Variants in ARSJ observed in about 807,000 individuals in gnomAD.
ARSJ encodes arylsulfatase J.
In ARSJ, 26 loss-of-function variants were observed where a neutral mutation model predicts 35.9. The ratio of observed to expected loss-of-function variants is 0.72; its 90% CI spans 0.53 to 1.00. The LOEUF (loss-of-function observed/expected upper bound fraction) is 1.00, where lower values mean the gene tolerates loss of function less well. ARSJ is among the 50% of genes least tolerant of loss of function. The pLI is 0.00. For missense variants in ARSJ, 667 were observed against 723.6 expected, an observed-to-expected ratio of 0.92 and a Z score of 0.90; for synonymous variants, 294 against 267.6, an observed-to-expected ratio of 1.10 and a Z score of -0.96.
intron 1 of ARSJ, among the ~76,000 whole-genome samples, chr4:113,925,359 A>T (rs941727725): frequency 6.6e-6 from 1 of 152,084 alleles, no homozygotes; most frequent in African/African-American, 2.4e-5. Flanking sequence ...GGTGATGGCG[A>T]ATGGTACCTA....
At chr4:113,959,485 C>T (rs1726405544) in intron 1 of ARSJ, among the ~76,000 whole-genome samples, 1 of 152,000 alleles carries the variant, frequency 6.6e-6, no homozygotes, top group South Asian at 2.1e-4. Context: ...ATTTCACAGC[C>T]TGAAGAAAGA....
intron 1 of ARSJ, among the ~76,000 whole-genome samples, chr4:113,935,243 G>A (rs1466195249): frequency 6.6e-6 from 1 of 151,836 alleles, no homozygotes; most frequent in Non-Finnish European, 1.5e-5. Context: ...ATGATAATTT[G>A]CAATGTAAAT....
In ARSJ at chr4:113,901,270, C is replaced by T. The variant is rs1243009254; in HGVS notation, c.*1004G>A. ...TAAAGTTGTCTCAACTCTGCACAAA[C>T]ATTGAATTTCCAAGTAATTTGTAAG... On this transcript the variant is annotated 3_prime_UTR_variant, in exon 2 of 2. Transcript: ENST00000315366. The T allele has an allele frequency of 2.6e-5, 4 of 152,148 alleles. No individual in the cohort carries two copies. The highest frequency in any genetic ancestry group is 4.8e-5 in the African/African-American group (2 of 41,432). 9.4% of individuals were successfully genotyped at this position (152,148 alleles called of 1,614,324 possible).
Sources: gnomAD v4.1 joint callset for allele counts (sites outside exome capture counted in the v4.1 genomes callset) on GRCh38, gnomAD v4.1.1 for gene constraint, MANE v1.5 for transcripts, NCBI Gene and HGNC (gene_info 2026-07-23, HGNC 2026-07-21) for gene names.